VDAC1: variants seen among roughly 807,000 people sequenced by gnomAD.
VDAC1 encodes the protein voltage dependent anion channel 1.
A neutral mutation model predicts 34.7 loss-of-function variants in VDAC1; 10 were observed. The observed-to-expected ratio is 0.29, with a 90% CI of 0.18 to 0.49. The LOEUF (loss-of-function observed/expected upper bound fraction) is 0.49, where lower values mean the gene tolerates loss of function less well. Ranked by LOEUF, VDAC1 falls within the 20% of genes least tolerant of loss-of-function variation. VDAC1 has a pLI of 0.99. For synonymous variants in VDAC1, 130 were observed against 136.0 expected (o/e 0.96, Z 0.30); for missense variants, 230 against 347.9 (o/e 0.66, Z 2.69).
At chr5:133,984,020 T>C (rs559038941) in intron 5 of VDAC1, among the ~76,000 whole-genome samples, 3 of 152,106 alleles carry the variant, frequency 2.0e-5, no homozygotes, top group Non-Finnish European at 2.9e-5. Context: ...CATGAGCCAA[T>C]TGAACCTCTT....
At chr5:134,086,067 G>A in the VDAC1 span, among the ~76,000 whole-genome samples, 1 of 152,100 alleles carries the variant, frequency 6.6e-6, no homozygotes, top group Non-Finnish European at 1.5e-5. Context: ...GTGATGGCGT[G>A]TGCCCGTAAT....
the VDAC1 span, among the ~76,000 whole-genome samples, chr5:134,064,997 G>A: frequency 2.2e-3 from 338 of 152,134 alleles, 1 homozygote; most frequent in African/African-American, 6.9e-3. Flanking sequence ...TGGGATTATA[G>A]GCATGAGCCA....
chr5:134,085,070 T>A, the VDAC1 span, among the ~76,000 whole-genome samples: 14 of 62,676 alleles, frequency 2.2e-4, no homozygotes, highest in South Asian at 5.8e-3. Context: ...TCTCTTTTTT[T>A]CTTTTCTTTT....
At chr5:134,055,523 C>T in the VDAC1 span, among the ~76,000 whole-genome samples, 1 of 149,708 alleles carries the variant, frequency 6.7e-6, no homozygotes, top group East Asian at 2.0e-4. Flanking sequence ...GGGTTCTTGT[C>T]ATTCTCCTGC....
At chr5:134,015,964 T>A in the VDAC1 span, among the ~76,000 whole-genome samples, 9 of 152,086 alleles carry the variant, frequency 5.9e-5, no homozygotes, top group Non-Finnish European at 8.8e-5. Context: ...AATTTTTGTA[T>A]TTTTTGTAGA....
chr5:134,033,850 G>T, the VDAC1 span, among the ~76,000 whole-genome samples: 1 of 151,926 alleles, frequency 6.6e-6, no homozygotes, highest in Non-Finnish European at 1.5e-5. Context: ...AAATTAGCCG[G>T]GAGTGGTGGC....
the VDAC1 span, among the ~76,000 whole-genome samples, chr5:134,022,582 C>T: frequency 6.6e-6 from 1 of 152,180 alleles, no homozygotes; most frequent in South Asian, 2.1e-4. Context: ...AGAGTCCTAC[C>T]TCCCCGCAAT....
chr5:134,026,440 G>A, the VDAC1 span, among the ~76,000 whole-genome samples: 217 of 150,160 alleles, frequency 1.4e-3, 1 homozygote, highest in African/African-American at 4.8e-3. Context: ...GCGTGAACCC[G>A]GGAGGTGGAG....
chr5:134,095,595 T>C, the VDAC1 span, among the ~76,000 whole-genome samples: 1 of 152,180 alleles, frequency 6.6e-6, no homozygotes, highest in East Asian at 1.9e-4. Flanking sequence ...ATCACAAGAC[T>C]GGGGTTTATT....
intron 7 of VDAC1, among the ~76,000 whole-genome samples, chr5:133,975,162 G>C (rs574761348): frequency 8.6e-5 from 13 of 152,030 alleles, no homozygotes; most frequent in Non-Finnish European, 1.8e-4. Flanking sequence ...CAGCTACTTG[G>C]GAGGCTGAGG....
the VDAC1 span, among the ~76,000 whole-genome samples, chr5:134,070,752 A>C: frequency 1.3e-5 from 2 of 152,250 alleles, no homozygotes; most frequent in South Asian, 4.1e-4. Flanking sequence ...GTAAACTATT[A>C]GTTTATTAGT....
At chr5:134,076,229 T>C in the VDAC1 span, among the ~76,000 whole-genome samples, 624 of 152,264 alleles carry the variant, frequency 4.1e-3, 4 homozygotes, top group African/African-American at 0.014. Flanking sequence ...TCCACCTGCC[T>C]CGGCCTCCCA....
intron 1 of VDAC1, among the ~76,000 whole-genome samples, chr5:134,002,068 G>A (rs562376255): frequency 1.2e-3 from 188 of 150,994 alleles, no homozygotes; most frequent in Non-Finnish European, 2.5e-3. Flanking sequence ...CCACACATGC[G>A]CCTCTTCCAG....
At chr5:134,036,653 CTTT>C in the VDAC1 span, among the ~76,000 whole-genome samples, 4 of 136,870 alleles carry the variant, frequency 2.9e-5, no homozygotes, top group African/African-American at 5.8e-5. Context: ...AAGACACTGT[CTTT>C]TTTAAAAAAA....
chr5:134,051,668 G>GTT, the VDAC1 span, among the ~76,000 whole-genome samples: 511 of 141,214 alleles, frequency 3.6e-3, 4 homozygotes, highest in Middle Eastern at 0.011. Flanking sequence ...TGGGCAGTTT[G>GTT]TTTTTTTTTT....
chr5:134,066,235 C>T, the VDAC1 span, among the ~76,000 whole-genome samples: 7 of 152,286 alleles, frequency 4.6e-5, no homozygotes, highest in East Asian at 7.7e-4. Context: ...AACTCCTGAC[C>T]TTGCGATCCA....
At chr5:134,093,358 A>AGTGTGT in the VDAC1 span, among the ~76,000 whole-genome samples, 1 of 151,346 alleles carries the variant, frequency 6.6e-6, no homozygotes, top group Admixed American at 6.6e-5. Context: ...CACGCATATA[A>AGTGTGT]GTGTGTGTGT....
upstream of VDAC1, among the ~76,000 whole-genome samples, chr5:134,009,585 CATAATT>C (rs1382117545): frequency 1.3e-5 from 2 of 151,862 alleles, no homozygotes; most frequent in Non-Finnish European, 1.5e-5. Flanking sequence ...TAAATTGAAA[CATAATT>C]ATTAAGTTGT....
intron 1 of VDAC1, among the ~76,000 whole-genome samples, chr5:134,003,192 C>T (rs1175276960): frequency 1.3e-5 from 2 of 152,234 alleles, no homozygotes; most frequent in Admixed American, 1.3e-4. Flanking sequence ...ACCCCAGGCA[C>T]TGAAGACAAA....
Sources: gnomAD v4.1 joint callset for allele counts (sites outside exome capture counted in the v4.1 genomes callset) on GRCh38, gnomAD v4.1.1 for gene constraint, MANE v1.5 for transcripts, NCBI Gene and HGNC (gene_info 2026-07-23, HGNC 2026-07-21) for gene names.